The following DACH1 variants were observed in gnomAD, a reference collection of about 807,000 sequenced individuals.
The protein encoded by DACH1 is dachshund homolog 1.
Under a neutral mutation model 54.2 loss-of-function variants are expected in DACH1, and 12 were observed. The observed-to-expected ratio is 0.22, with a 90% CI of 0.14 to 0.36. The LOEUF (loss-of-function observed/expected upper bound fraction) is 0.36. Among genes scored for constraint, DACH1 ranks in the 10% least tolerant of loss-of-function variants. The probability of loss-of-function intolerance (pLI) is 1.00; values close to 1 mark genes in which losing one functional copy is unlikely to be tolerated. For missense variants in DACH1, 805 were observed against 929.8 expected (o/e 0.87, Z 1.75); for synonymous variants, 386 against 366.2 (o/e 1.05, Z -0.62).
Position 71,641,910 on chromosome 13 carries a change from G to A in DACH1, c.965-11193C>T, listed in dbSNP as rs79147407. ...ATTATATTCAACCCATCTCACCTAG[G>A]AACAGAGCAATTATATATCAGGAAG... On this transcript the variant is annotated intron_variant, in intron 2 of 10. Coordinates refer to ENST00000613252, the MANE Select transcript of DACH1 (RefSeq NM_080759.6). 2.5e-3 allele frequency among the ~76,000 whole-genome samples: 386 copies of A among 152,168 alleles called. 4 individuals carry two copies. The highest frequency in any genetic ancestry group is 9.0e-3 in the African/African-American group (374 of 41,532).
chr13:71,662,411 G>T (rs1879567192), intron 2 of DACH1, among the ~76,000 whole-genome samples: 1 of 152,094 alleles, frequency 6.6e-6, no homozygotes, highest in East Asian at 1.9e-4. Flanking sequence ...CAGGAAACAG[G>T]CTTGGCAGTT....
intron 1 of DACH1, among the ~76,000 whole-genome samples, chr13:71,763,007 T>C (rs1216207018): frequency 6.6e-6 from 1 of 152,154 alleles, no homozygotes; most frequent in East Asian, 1.9e-4. Context: ...ACACCATATA[T>C]TGGAATAATC....
intron 3 of DACH1, among the ~76,000 whole-genome samples, chr13:71,619,606 A>T (rs1876055272): frequency 1.3e-5 from 2 of 152,118 alleles, no homozygotes; most frequent in Admixed American, 1.3e-4. Flanking sequence ...CAGTAGATAT[A>T]TCTATATTTT....
At chr13:71,650,383 A>T (rs1346196564) in intron 2 of DACH1, among the ~76,000 whole-genome samples, 1 of 152,198 alleles carries the variant, frequency 6.6e-6, no homozygotes. Context: ...TTCTCAGAAA[A>T]ATATAATTTG....
At chr13:71,733,459 G>A (rs1294436768) in intron 1 of DACH1, among the ~76,000 whole-genome samples, 2 of 152,132 alleles carry the variant, frequency 1.3e-5, no homozygotes, top group African/African-American at 4.8e-5. Flanking sequence ...CGGGATTACA[G>A]GTGTGACCAA....
intron 10 of DACH1, among the ~76,000 whole-genome samples, chr13:71,442,708 C>T (rs981338003): frequency 6.6e-6 from 1 of 151,902 alleles, no homozygotes; most frequent in African/African-American, 2.4e-5. Context: ...TGTATACATA[C>T]ATACCTATGA....
At position 71,546,129 on chromosome 13, in the gene DACH1, G is replaced by T. The variant is rs1043962307; in HGVS notation, c.1570+10895C>A. Among the ~76,000 whole-genome samples the T allele has an allele frequency of 4.6e-5, 7 of 152,168 alleles. No homozygotes were observed. The East Asian group carries it at 5.8e-4, about 13-fold the overall frequency. On this transcript the variant is annotated intron_variant, in intron 6 of 10. Transcript: ENST00000613252. ...TTGGCTCCATATGTCAAACAGATCA[G>T]CTTTCTAAAGTTTATATTGCTTGCA...
At chr13:71,732,120 A>T (rs1487462291) in intron 1 of DACH1, among the ~76,000 whole-genome samples, 1 of 152,148 alleles carries the variant, frequency 6.6e-6, no homozygotes, top group African/African-American at 2.4e-5. Context: ...CATTATCTAT[A>T]GCTCCATCTA....
intron 1 of DACH1, among the ~76,000 whole-genome samples, chr13:71,850,477 G>C (rs556591111): frequency 6.6e-6 from 1 of 152,034 alleles, no homozygotes; most frequent in African/African-American, 2.4e-5. Flanking sequence ...CCTGCTAATA[G>C]CTTCCTTCTA....
intron 6 of DACH1, among the ~76,000 whole-genome samples, chr13:71,490,294 C>T (rs1593777499): frequency 1.3e-5 from 2 of 152,300 alleles, no homozygotes; most frequent in East Asian, 3.9e-4. Flanking sequence ...AACACGTTTT[C>T]CAATTACGTC....
Position 71,866,213 on chromosome 13 carries a change from T to A in DACH1, c.557A>T (p.Asn186Ile). Residue 186 changes from asparagine to isoleucine, a missense_variant, in exon 1 of 11, where the codon AAT becomes ATT. By Grantham distance (149) the Asn-to-Ile change is moderately radical. This residue lies in a region of DACH1 where 305 missense variants were observed against 308.7 expected (regional missense o/e 0.99). Coordinates refer to ENST00000613252, the MANE Select transcript of DACH1 (RefSeq NM_080759.6). ...CCTCAGATCCACCATTTTGCACTCA[T>A]TATTCTGAGGGGTGTTTTCCACTGG... ...PSPVENTPQN[N>I]ECKMVDLRGA... The A allele has an allele frequency of 1.2e-6, 2 of 1,612,498 alleles. No individual in the cohort carries two copies. The highest frequency in any genetic ancestry group is 8.5e-7 in the Non-Finnish European group (1 of 1,179,322).
chr13:71,810,513 G>T (rs879665296), intron 1 of DACH1, among the ~76,000 whole-genome samples: 2 of 152,048 alleles, frequency 1.3e-5, no homozygotes, highest in Admixed American at 6.6e-5. Context: ...CATTCCCAAA[G>T]AATTCACTAA....
chr13:71,787,967 T>C (rs544072085), intron 1 of DACH1, among the ~76,000 whole-genome samples: 1 of 152,302 alleles, frequency 6.6e-6, no homozygotes, highest in East Asian at 1.9e-4. Context: ...TTTGGAACTA[T>C]TTTTAAAAAT....
intron 6 of DACH1, among the ~76,000 whole-genome samples, chr13:71,506,044 T>A (rs1231886248): frequency 6.6e-6 from 1 of 152,050 alleles, no homozygotes; most frequent in Non-Finnish European, 1.5e-5. Flanking sequence ...TTATTCTACA[T>A]TAGAAAAATT....
chr13:71,681,971 G>T, intron 1 of DACH1, 61 bp from the exon 2 acceptor site: 1 of 1,005,064 alleles, frequency 9.9e-7, no homozygotes, highest in Non-Finnish European at 1.5e-6. Context: ...TCATTTCAAA[G>T]TTGTTTCAAG....
rs891376302 is a variant in DACH1 at position 71,852,853 on chromosome 13, G to A, written c.848+13069C>T. 2.6e-5 allele frequency among the ~76,000 whole-genome samples: 4 copies of A among 152,096 alleles called. No homozygotes were observed. In the East Asian group the frequency reaches 5.8e-4, roughly 22 times the overall value. Reference sequence around the variant, plus strand: ...TCAGCCTTGTCATTTCCAATTTTCTGCTCCTTGGACATGCTTGTATTCAAA... The same window carrying A: ...TCAGCCTTGTCATTTCCAATTTTCTACTCCTTGGACATGCTTGTATTCAAA... On this transcript the variant is annotated intron_variant, in intron 1 of 10. Coordinates refer to ENST00000613252, the MANE Select transcript of DACH1 (RefSeq NM_080759.6).
intron 2 of DACH1, among the ~76,000 whole-genome samples, chr13:71,639,432 C>G (rs749850479): frequency 1.3e-5 from 2 of 151,934 alleles, no homozygotes; most frequent in African/African-American, 4.8e-5. Flanking sequence ...ATCCTTGAGG[C>G]CATTAATGGA....
intron 3 of DACH1, among the ~76,000 whole-genome samples, chr13:71,591,845 A>G (rs990562844): frequency 6.7e-6 from 1 of 148,226 alleles, no homozygotes; most frequent in African/African-American, 2.6e-5. Flanking sequence ...ACTTCAGAAA[A>G]TAAGAACAAG....
chr13:71,606,877 G>A (rs755864883), intron 3 of DACH1, among the ~76,000 whole-genome samples: 7 of 151,984 alleles, frequency 4.6e-5, no homozygotes, highest in Admixed American at 2.0e-4. Context: ...TGTATGATGA[G>A]AATGATCTAG....
Sources: allele counts gnomAD v4.1 joint callset (sites outside exome capture counted in the v4.1 genomes callset), GRCh38; gene constraint gnomAD v4.1.1; regional missense constraint gnomAD v4.1.1; transcripts MANE v1.5; gene names NCBI Gene and HGNC (gene_info 2026-07-23, HGNC 2026-07-21).